DTWD2: variants seen among roughly 807,000 people sequenced by gnomAD.
DTWD2 encodes DTW motif tRNA-uridine aminocarboxypropyltransferase 2, also known as tRNA-uridine aminocarboxypropyltransferase 2.
A neutral mutation model predicts 31.8 loss-of-function variants in DTWD2; 39 were observed. The observed-to-expected ratio is 1.22, with a 90% CI of 0.95 to 1.60. The LOEUF (loss-of-function observed/expected upper bound fraction) is 1.60, where lower values mean the gene tolerates loss of function less well. Ranked by LOEUF, DTWD2 falls within the 40% of genes most tolerant of loss-of-function variation. The pLI, the probability that DTWD2 is intolerant of heterozygous loss-of-function variation, is 0.00. For synonymous variants in DTWD2, 180 were observed against 142.8 expected (o/e 1.26, Z -1.86); for missense variants, 515 against 381.5 (o/e 1.35, Z -2.92).
At chr5:118,842,135 G>C (rs1406303144) in intron 5 of DTWD2, among the ~76,000 whole-genome samples, 1 of 151,916 alleles carries the variant, frequency 6.6e-6, no homozygotes, top group Non-Finnish European at 1.5e-5. Context: ...GGTAGAAAAA[G>C]GGCTTAATAG....
chr5:118,887,073 T>C (rs1002197211), intron 4 of DTWD2, among the ~76,000 whole-genome samples: 1 of 152,216 alleles, frequency 6.6e-6, no homozygotes, highest in African/African-American at 2.4e-5. Flanking sequence ...TTGCTATTAC[T>C]AGCAAAAAAA....
chr5:118,858,406 C>G (rs1465880948), intron 4 of DTWD2, among the ~76,000 whole-genome samples: 1 of 152,162 alleles, frequency 6.6e-6, no homozygotes, highest in African/African-American at 2.4e-5. Context: ...AACACAAGAA[C>G]TGTTTGAGCT....
intron 4 of DTWD2, among the ~76,000 whole-genome samples, chr5:118,873,990 G>C (rs1437144158): frequency 6.6e-6 from 1 of 152,208 alleles, no homozygotes; most frequent in Non-Finnish European, 1.5e-5. Flanking sequence ...GGACCCCCAA[G>C]TGCAGTGGAT....
intron 4 of DTWD2, among the ~76,000 whole-genome samples, chr5:118,890,649 C>T (rs993825451): frequency 2.2e-5 from 3 of 137,002 alleles, no homozygotes; most frequent in Non-Finnish European, 3.0e-5. Flanking sequence ...TGGCTCACTG[C>T]AACCTCCGCC....
chr5:118,959,376 G>GCTAACCAA (rs1754659005), intron 1 of DTWD2, among the ~76,000 whole-genome samples: 2 of 151,970 alleles, frequency 1.3e-5, no homozygotes, highest in Admixed American at 1.3e-4. Flanking sequence ...AAAATACTTA[G>GCTAACCAA]GAATATAGCT....
intron 1 of DTWD2, among the ~76,000 whole-genome samples, chr5:118,983,344 G>C (rs566493980): frequency 3.9e-5 from 6 of 152,310 alleles, no homozygotes; most frequent in Admixed American, 1.3e-4. Context: ...ACAAAAGCCA[G>C]AAATCTGGAT....
intron 4 of DTWD2, among the ~76,000 whole-genome samples, chr5:118,900,897 C>T (rs186211693): frequency 9.3e-5 from 14 of 151,084 alleles, no homozygotes; most frequent in African/African-American, 3.2e-4. Context: ...TGCCCTCCAG[C>T]CTGGGCAACA....
intron 1 of DTWD2, among the ~76,000 whole-genome samples, chr5:118,984,646 G>C (rs898239871): frequency 2.0e-5 from 3 of 152,096 alleles, no homozygotes; most frequent in Non-Finnish European, 4.4e-5. Flanking sequence ...AGAAAACACT[G>C]GAGAGACAAA....
intron 4 of DTWD2, among the ~76,000 whole-genome samples, chr5:118,848,572 T>C (rs1260895905): frequency 1.3e-5 from 2 of 152,094 alleles, no homozygotes; most frequent in Non-Finnish European, 2.9e-5. Context: ...TGGGGTAACA[T>C]TTCACACTCA....
intron 1 of DTWD2, among the ~76,000 whole-genome samples, chr5:118,953,967 G>A (rs564563751): frequency 4.6e-4 from 70 of 152,238 alleles, no homozygotes; most frequent in Non-Finnish European, 9.1e-4. Flanking sequence ...TTGCTCCAAT[G>A]CCCCATTCTA....
At chr5:118,979,677 G>A (rs752815955) in intron 1 of DTWD2, among the ~76,000 whole-genome samples, 2 of 152,244 alleles carry the variant, frequency 1.3e-5, no homozygotes, top group Non-Finnish European at 2.9e-5. Context: ...CAGCCATAAG[G>A]AATGAGATCA....
chr5:118,882,349 T>C (rs1752760469), intron 4 of DTWD2, among the ~76,000 whole-genome samples: 1 of 152,222 alleles, frequency 6.6e-6, no homozygotes, highest in Non-Finnish European at 1.5e-5. Context: ...GCTGCTTTCA[T>C]GGGCTGGCAT....
At chr5:118,935,245 C>G (rs1004276239) in intron 3 of DTWD2, among the ~76,000 whole-genome samples, 11 of 152,152 alleles carry the variant, frequency 7.2e-5, no homozygotes, top group African/African-American at 2.4e-4. Context: ...TCACCTGTAC[C>G]CTTTGTAATA....
chr5:118,963,042 C>T (rs1199559774), intron 1 of DTWD2, among the ~76,000 whole-genome samples: 1 of 152,114 alleles, frequency 6.6e-6, no homozygotes, highest in Non-Finnish European at 1.5e-5. Context: ...ACGTGAGGGT[C>T]TAAAGAGGAT....
chr5:118,900,211 T>C (rs1294440261), intron 4 of DTWD2, among the ~76,000 whole-genome samples: 3 of 152,228 alleles, frequency 2.0e-5, no homozygotes, highest in African/African-American at 7.2e-5. Context: ...GAGCATTCCA[T>C]TACATATACC....
chr5:118,901,846 G>A lies in DTWD2; in HGVS notation c.597+26691C>T, dbSNP rs529801923. 4.6e-5 allele frequency among the ~76,000 whole-genome samples: 7 copies of A among 152,178 alleles called. No individual in the cohort carries two copies. In the East Asian group the frequency reaches 5.8e-4, roughly 13 times the overall value. ...TGATCTTGAACTCCCAGGCCCAAGC[G>A]ATCCTCTTGCCTCAGCCTCCCATGT... On this transcript the variant is annotated intron_variant, in intron 4 of 5. Coordinates refer to ENST00000510708, the MANE Select transcript of DTWD2 (RefSeq NM_173666.4).
intron 1 of DTWD2, among the ~76,000 whole-genome samples, chr5:118,972,876 C>T (rs1211077500): frequency 1.3e-5 from 2 of 152,236 alleles, no homozygotes; most frequent in East Asian, 1.9e-4. Context: ...ACAAAAACCA[C>T]ATGATTCTAA....
chr5:118,978,231 G>T (rs998601062), intron 1 of DTWD2, among the ~76,000 whole-genome samples: 9 of 151,412 alleles, frequency 5.9e-5, no homozygotes, highest in African/African-American at 1.9e-4. Context: ...AACTCAAGAT[G>T]AATTAAAGAC....
At chr5:118,964,401 C>G (rs1270947503) in intron 1 of DTWD2, among the ~76,000 whole-genome samples, 1 of 151,928 alleles carries the variant, frequency 6.6e-6, no homozygotes, top group Non-Finnish European at 1.5e-5. Context: ...CTCCCTCTCC[C>G]TCTCCTTCTC....
Sources: allele counts gnomAD v4.1 joint callset (sites outside exome capture counted in the v4.1 genomes callset), GRCh38; gene constraint gnomAD v4.1.1; transcripts MANE v1.5; gene names NCBI Gene and HGNC (gene_info 2026-07-23, HGNC 2026-07-21).